C8B: variants seen among roughly 807,000 people sequenced by gnomAD.
C8B encodes the protein complement component C8 beta chain.
A neutral mutation model predicts 64.6 loss-of-function variants in C8B; 67 were observed. The ratio of observed to expected loss-of-function variants is 1.04; its 90% CI spans 0.85 to 1.27. The LOEUF (loss-of-function observed/expected upper bound fraction) is 1.27, where lower values mean the gene tolerates loss of function less well. Ranked by LOEUF, C8B falls within the 50% of genes most tolerant of loss-of-function variation. C8B has a pLI of 0.00. For synonymous variants in C8B, 284 were observed against 257.7 expected (o/e 1.10, Z -0.98); for missense variants, 790 against 725.2 (o/e 1.09, Z -1.03).
At chr1:56,947,931 A>AAAAAC (rs765098065) in intron 6 of C8B, among the ~76,000 whole-genome samples, 50 of 145,132 alleles carry the variant, frequency 3.4e-4, no homozygotes, top group South Asian at 1.2e-3. Flanking sequence ...ACTCTGTCTC[A>AAAAAC]AAAACAAAAC....
At chr1:56,941,463 CAG>C (rs1365385489) in intron 8 of C8B, among the ~76,000 whole-genome samples, 1 of 150,972 alleles carries the variant, frequency 6.6e-6, no homozygotes, top group African/African-American at 2.4e-5. Flanking sequence ...GATAGACAGA[CAG>C]ATAAATAGAT....
Position 56,942,806 on chromosome 1 carries a change from A to C in C8B, c.1234+890T>G, listed in dbSNP as rs146685764. ...GCGTCTCTGCCAGGCATGGTGGTTC[A>C]TGCCTGTAATTCCAGCACTTTGAGG... On this transcript the variant is annotated intron_variant, in intron 8 of 11. Coordinates refer to ENST00000371237, the MANE Select transcript of C8B (RefSeq NM_000066.4). Among the ~76,000 whole-genome samples the C allele has an allele frequency of 3.7e-3, 562 of 152,230 alleles. 5 individuals carry two copies. The highest frequency in any genetic ancestry group is 0.013 in the African/African-American group (541 of 41,548).
At chr1:56,958,366 T>C (rs1286444714) in intron 2 of C8B, among the ~76,000 whole-genome samples, 1 of 152,158 alleles carries the variant, frequency 6.6e-6, no homozygotes, top group African/African-American at 2.4e-5. Flanking sequence ...CATCTATACT[T>C]TGGCCTTGGA....
At position 56,933,442 on chromosome 1, in the gene C8B, G is replaced by T; in HGVS notation, c.1445C>A (p.Ser482Tyr). 6.2e-7 allele frequency: 1 copy of T among 1,613,804 alleles called. No individual in the cohort carries two copies. ...ELVTATDFAY[S>Y]STVRQNMKQA... ...CTTCATGTTCTGCCTCACTGTGCTGGAATAGGCAAAATCTGTGGCTGTCAC... is the reference window on the plus strand; with the variant it reads ...CTTCATGTTCTGCCTCACTGTGCTGTAATAGGCAAAATCTGTGGCTGTCAC... Residue 482 changes from serine (S) to tyrosine (Y), a missense_variant, in exon 10 of 12, where the codon TCC becomes TAC. By Grantham distance (144) the Ser-to-Tyr change is moderately radical. Transcript: ENST00000371237.
At chr1:56,935,608 G>T (rs181142619) in intron 9 of C8B, among the ~76,000 whole-genome samples, 1 of 152,298 alleles carries the variant, frequency 6.6e-6, no homozygotes, top group Non-Finnish European at 1.5e-5. Flanking sequence ...TCCATAGCTA[G>T]CATTTATTAG....
chr1:56,959,608 G>T (rs1557743457), intron 2 of C8B: 1 of 1,535,398 alleles, frequency 6.5e-7, no homozygotes, highest in Non-Finnish European at 8.7e-7. Context: ...GGAAATGTAG[G>T]CTAGATTCGG....
chr1:56,940,779 T>C (rs1369786475), intron 9 of C8B, 70 bp downstream of exon 9: 14 of 1,574,096 alleles, frequency 8.9e-6, no homozygotes, highest in Non-Finnish European at 1.1e-5. Flanking sequence ...TTTTATACCT[T>C]GGCTCATGGT....
chr1:56,933,843 G>A (rs1268746433), intron 9 of C8B, among the ~76,000 whole-genome samples: 1 of 152,196 alleles, frequency 6.6e-6, no homozygotes, highest in Non-Finnish European at 1.5e-5. Flanking sequence ...GCAGAAACTT[G>A]TAGAAAGAAG....
intron 8 of C8B, among the ~76,000 whole-genome samples, chr1:56,941,859 C>T (rs1353556155): frequency 6.6e-6 from 1 of 152,228 alleles, no homozygotes; most frequent in Non-Finnish European, 1.5e-5. Context: ...CTGGTGGAAA[C>T]TGAGTTCATC....
At chr1:56,957,460 C>T (rs1434516491) in intron 2 of C8B, among the ~76,000 whole-genome samples, 1 of 152,134 alleles carries the variant, frequency 6.6e-6, no homozygotes, top group Admixed American at 6.5e-5. Flanking sequence ...TTATGAATCT[C>T]AATTTACCCA....
chr1:56,962,093 TAGGTGA>T (rs2101470125), intron 1 of C8B, among the ~76,000 whole-genome samples: 1 of 152,310 alleles, frequency 6.6e-6, no homozygotes, highest in South Asian at 2.1e-4. Context: ...TCCAGGGCCA[TAGGTGA>T]GACTGAGCAG....
chr1:56,931,006 T>C (rs979319676), intron 11 of C8B, among the ~76,000 whole-genome samples: 1 of 152,200 alleles, frequency 6.6e-6, no homozygotes, highest in African/African-American at 2.4e-5. Context: ...ATGATGGAGA[T>C]GGAATTTCAA....
At chr1:56,940,210 TAATTTAATTGATTA>T (rs1291166220) in intron 9 of C8B, among the ~76,000 whole-genome samples, 1 of 152,188 alleles carries the variant, frequency 6.6e-6, no homozygotes, top group African/African-American at 2.4e-5. Context: ...AAAGGAATAT[TAATTTAATTGATTA>T]AATTTAATTG....
chr1:56,943,280 G>A (rs950184218), intron 8 of C8B, among the ~76,000 whole-genome samples: 6 of 152,094 alleles, frequency 3.9e-5, no homozygotes, highest in Non-Finnish European at 7.4e-5. Flanking sequence ...TTGTACGTGC[G>A]TACCAGATAA....
At chr1:56,954,606 A>T (rs984431031) in intron 4 of C8B, 80 bp downstream of exon 4, 142 of 1,551,332 alleles carry the variant, frequency 9.2e-5, no homozygotes, top group Non-Finnish European at 1.2e-4. Flanking sequence ...TGTTTATATC[A>T]GTTCTCTCAT....
intron 7 of C8B, among the ~76,000 whole-genome samples, chr1:56,945,352 GGCTTGA>G (rs754658547): frequency 8.5e-5 from 13 of 152,220 alleles, no homozygotes; most frequent in Non-Finnish European, 1.9e-4. Flanking sequence ...CTAGTTTTAT[GGCTTGA>G]GCCACTGGTT....
At chr1:56,956,318 A>C (rs56023405) in intron 3 of C8B, among the ~76,000 whole-genome samples, 31,342 of 152,038 alleles carry the variant, frequency 0.21, 3,470 homozygotes, top group Non-Finnish European at 0.25. Flanking sequence ...ACAGACCTGT[A>C]AGGTATTCAC....
chr1:56,947,134 C>T (rs1644953942), intron 6 of C8B, among the ~76,000 whole-genome samples: 1 of 152,216 alleles, frequency 6.6e-6, no homozygotes, highest in South Asian at 2.1e-4. Flanking sequence ...TCCTTCAATG[C>T]CCCAGTCAGA....
In C8B at chr1:56,954,808, T is replaced by C; in HGVS notation, c.411A>G (p.Arg137=). ...AGTCATTGTCCCCATTGCAAAGAAG[T>C]CTGCGGTTTACACACCTTCCTAGAA... ...CAQTGRCVNR[R]LLCNGDNDCG... Residue 137 remains arginine, a synonymous_variant, in exon 4 of 12, where the codon AGA becomes AGG. Coordinates refer to ENST00000371237, the MANE Select transcript of C8B (RefSeq NM_000066.4). The C allele has an allele frequency of 6.2e-7, 1 of 1,614,144 alleles. No homozygotes were observed. The highest frequency in any genetic ancestry group is 8.5e-7 in the Non-Finnish European group (1 of 1,180,002).
Sources: allele counts gnomAD v4.1 joint callset (sites outside exome capture counted in the v4.1 genomes callset), GRCh38; gene constraint gnomAD v4.1.1; transcripts MANE v1.5; gene names NCBI Gene and HGNC (gene_info 2026-07-23, HGNC 2026-07-21).